MAP7: variants seen among roughly 807,000 people sequenced by gnomAD.
MAP7 encodes the protein microtubule associated protein 7, also known as ensconsin.
Under a neutral mutation model 94.8 loss-of-function variants are expected in MAP7, and 52 were observed. That is an observed-to-expected ratio of 0.55 (90% CI 0.44 to 0.69). The LOEUF (loss-of-function observed/expected upper bound fraction) is 0.69, where lower values mean the gene tolerates loss of function less well. Among genes scored for constraint, MAP7 ranks in the 30% least tolerant of loss-of-function variants. The pLI is 0.00. For synonymous variants in MAP7, 350 were observed against 357.0 expected, an observed-to-expected ratio of 0.98 and a Z score of 0.22; for missense variants, 940 against 964.6, an observed-to-expected ratio of 0.97 and a Z score of 0.34.
intron 2 of MAP7, chr6:136,419,881 G>A (rs1330091426): frequency 4.0e-6 from 2 of 499,920 alleles, no homozygotes; most frequent in African/African-American, 3.8e-5. Context: ...TGTGTGTCAA[G>A]ACTGAGGATT....
chr6:136,401,047 T>C (rs1783922784), intron 3 of MAP7, among the ~76,000 whole-genome samples: 1 of 152,180 alleles, frequency 6.6e-6, no homozygotes, highest in Non-Finnish European at 1.5e-5. Context: ...CCATCAATTG[T>C]TGTATCAGAA....
chr6:136,526,251 G>A (rs1827830496), intron 1 of MAP7: 2 of 1,147,340 alleles, frequency 1.7e-6, no homozygotes, highest in Admixed American at 9.0e-5. Flanking sequence ...GATTGCTCCG[G>A]CTCATGCATG....
At chr6:136,505,825 A>G (rs929522338) in intron 1 of MAP7, among the ~76,000 whole-genome samples, 1 of 152,164 alleles carries the variant, frequency 6.6e-6, no homozygotes. Flanking sequence ...TATTACTGGC[A>G]AGTAGCAAAA....
chr6:136,524,515 A>G (rs1438506683), intron 1 of MAP7, among the ~76,000 whole-genome samples: 1 of 152,200 alleles, frequency 6.6e-6, no homozygotes, highest in Non-Finnish European at 1.5e-5. Flanking sequence ...AAAGAATCAC[A>G]TTAAGTCACC....
chr6:136,376,056 A>C (rs193258843), intron 7 of MAP7, among the ~76,000 whole-genome samples: 14 of 152,290 alleles, frequency 9.2e-5, no homozygotes, highest in African/African-American at 3.4e-4. Flanking sequence ...ATTCAGAAGC[A>C]TGACAGCCAT....
rs188357311 is a variant in MAP7, at chr6:136,387,846, C to A, written c.526+547G>T. Among the ~76,000 whole-genome samples the A allele has an allele frequency of 1.0e-3, 154 of 152,202 alleles. 1 individual carries two copies. The highest frequency in any genetic ancestry group is 3.6e-3 in the African/African-American group (148 of 41,534). On this transcript the variant is annotated intron_variant, in intron 5 of 17. Coordinates refer to ENST00000354570, the MANE Select transcript of MAP7 (RefSeq NM_003980.6). ...TTGAATTTACAGTACAAAAATAAAG[C>A]CTTTCAGTAAATCCAAATTTCAATA...
intron 1 of MAP7, among the ~76,000 whole-genome samples, chr6:136,470,701 G>T (rs1808685936): frequency 6.6e-6 from 1 of 151,700 alleles, no homozygotes; most frequent in Non-Finnish European, 1.5e-5. Flanking sequence ...GTATTCCTTA[G>T]AACACATCAG....
rs778419903 is a variant in MAP7 at position 136,361,163 on chromosome 6, A to G, written c.1543T>C (p.Leu515=). The G allele has an allele frequency of 1.2e-6, 2 of 1,603,626 alleles. No individual in the cohort carries two copies. Among genetic ancestry groups the G allele is most frequent in the Admixed American group, 1.7e-5 (1 of 60,022 alleles). The change falls in exon 12 of 18, where the codon TTG becomes CTG. Residue 515 remains leucine, a synonymous_variant. Coordinates refer to ENST00000354570, the MANE Select transcript of MAP7 (RefSeq NM_003980.6). ...EELERQKREE[L]AQRVAEERTT... ...CTCTCTTCAGCCACACGTTGAGCCAATTCCTCTCTCTTTTGTCTGGAAAAA... is the reference window on the plus strand; with the variant it reads ...CTCTCTTCAGCCACACGTTGAGCCAGTTCCTCTCTCTTTTGTCTGGAAAAA...
chr6:136,450,103 G>C (rs966934262), intron 1 of MAP7, among the ~76,000 whole-genome samples: 1 of 152,138 alleles, frequency 6.6e-6, no homozygotes, highest in Non-Finnish European at 1.5e-5. Context: ...GCAGTAGCTT[G>C]AACCCGGGAG....
Position 136,418,139 on chromosome 6 carries a change from G to A in MAP7, c.166+3562C>T, listed in dbSNP as rs536757778. 5.9e-5 allele frequency among the ~76,000 whole-genome samples: 9 copies of A among 152,288 alleles called. No homozygotes were observed. In the South Asian group the frequency reaches 8.3e-4, roughly 14 times the overall value. On this transcript the variant is annotated intron_variant, in intron 2 of 17. Coordinates refer to ENST00000354570, the MANE Select transcript of MAP7 (RefSeq NM_003980.6). Reference sequence around the variant, plus strand: ...GTATTCACATTTGAGAGCAATGGTCGTTCCAGGATAACACAGAACATAGTG... The same window carrying A: ...GTATTCACATTTGAGAGCAATGGTCATTCCAGGATAACACAGAACATAGTG...
At chr6:136,453,111 C>G (rs535022103) in intron 1 of MAP7, among the ~76,000 whole-genome samples, 4 of 152,290 alleles carry the variant, frequency 2.6e-5, no homozygotes, top group African/African-American at 9.6e-5. Context: ...TAATAAACTT[C>G]TGTTAGTTTT....
intron 1 of MAP7, among the ~76,000 whole-genome samples, chr6:136,447,204 G>A (rs1799622183): frequency 6.6e-6 from 1 of 152,162 alleles, no homozygotes; most frequent in Non-Finnish European, 1.5e-5. Context: ...ATACTGCTGA[G>A]GTCACATCTG....
rs539501886 is a variant in MAP7 at position 136,350,184 on chromosome 6, A to C, written c.2016-4105T>G. On this transcript the variant is annotated intron_variant, in intron 16 of 17. Transcript: ENST00000354570. ...TGGATTTTCATGGAGTATCAGGCACACCATGTTCTTTGGCAGGGACCCCGA... is the reference window on the plus strand; with the variant it reads ...TGGATTTTCATGGAGTATCAGGCACCCCATGTTCTTTGGCAGGGACCCCGA... 3.9e-4 allele frequency among the ~76,000 whole-genome samples: 60 copies of C among 152,166 alleles called. 1 individual carries two copies. Among genetic ancestry groups the C allele is most frequent in the Non-Finnish European group, 4.1e-4 (28 of 68,038 alleles).
Position 136,352,942 on chromosome 6 carries a change from G to A in MAP7, c.2015+3750C>T, listed in dbSNP as rs549615741. 7.9e-5 allele frequency among the ~76,000 whole-genome samples: 12 copies of A among 152,264 alleles called. No individual in the cohort carries two copies. In the South Asian group the frequency reaches 1.5e-3, roughly 18 times the overall value. On this transcript the variant is annotated intron_variant, in intron 16 of 17. Coordinates refer to ENST00000354570, the MANE Select transcript of MAP7 (RefSeq NM_003980.6). ...CAAAAATACAGATTGTTTCAAGATC[G>A]ATCTGGATGAATTCAAGGATGACAA...
At chr6:136,442,439 A>G (rs1448057857) in intron 1 of MAP7, among the ~76,000 whole-genome samples, 1 of 151,888 alleles carries the variant, frequency 6.6e-6, no homozygotes, top group Non-Finnish European at 1.5e-5. Context: ...CATACTTAAA[A>G]TAGTTCTTAT....
At chr6:136,376,265 A>AT (rs1172789344) in intron 7 of MAP7, among the ~76,000 whole-genome samples, 1 of 151,186 alleles carries the variant, frequency 6.6e-6, no homozygotes, top group African/African-American at 2.4e-5. Flanking sequence ...CGCCCGGCTA[A>AT]TTTTTTGTAT....
chr6:136,476,279 TC>T (rs1325857027), intron 1 of MAP7: 1 of 152,172 alleles, frequency 6.6e-6, no homozygotes, highest in Non-Finnish European at 1.5e-5. Context: ...TCATTTATTC[TC>T]AAGAGCTGTG....
intron 1 of MAP7, among the ~76,000 whole-genome samples, chr6:136,483,653 A>G (rs558154895): frequency 1.6e-4 from 25 of 152,324 alleles, no homozygotes; most frequent in Non-Finnish European, 2.8e-4. Context: ...AAAAAAATTG[A>G]ATGTAAAACA....
At chr6:136,543,787 A>T (rs1829510676) in intron 1 of MAP7, among the ~76,000 whole-genome samples, 1 of 152,154 alleles carries the variant, frequency 6.6e-6, no homozygotes, top group Non-Finnish European at 1.5e-5. Flanking sequence ...GTCTCACTAC[A>T]AAGGTGCAGC....
Sources: gnomAD v4.1 joint callset for allele counts (sites outside exome capture counted in the v4.1 genomes callset) on GRCh38, gnomAD v4.1.1 for gene constraint, MANE v1.5 for transcripts, NCBI Gene and HGNC (gene_info 2026-07-23, HGNC 2026-07-21) for gene names.